Variants in RASEF observed in about 807,000 individuals in gnomAD.
RASEF encodes ras and EF-hand domain-containing protein.
In RASEF, 68 loss-of-function variants were observed where a neutral mutation model predicts 90.1. The ratio of observed to expected loss-of-function variants is 0.75; its 90% CI spans 0.62 to 0.92. The LOEUF (loss-of-function observed/expected upper bound fraction) is 0.92, where lower values mean the gene tolerates loss of function less well. RASEF is among the 40% of genes least tolerant of loss of function. RASEF has a pLI of 0.00. For synonymous variants in RASEF, 331 were observed against 345.2 expected (o/e 0.96, Z 0.46); for missense variants, 949 against 937.2 (o/e 1.01, Z -0.16).
the RASEF span, among the ~76,000 whole-genome samples, chr9:83,155,601 G>A: frequency 6.6e-6 from 1 of 151,922 alleles, no homozygotes; most frequent in Non-Finnish European, 1.5e-5. Flanking sequence ...AGTTCAAGAT[G>A]AGATTTGGGT....
chr9:83,062,403 A>G, intron 1 of RASEF, 34 bp downstream of exon 1: 1 of 1,605,866 alleles, frequency 6.2e-7, no homozygotes. Context: ...AGGAAGCGCC[A>G]GAATAACCTC....
At position 83,062,651 on chromosome 9, in the gene RASEF, C is replaced by A. The variant is rs1237224043; in HGVS notation, c.217G>T (p.Gly73Trp). 2 of 1,561,942 alleles carry A rather than the reference C, an allele frequency of 1.3e-6. No individual in the cohort carries two copies. ...TFQEFARGFL[G>W]SLRGGRRRDW... ...CGGCGCCGCCCCCCGCGGAGGGACCCGAGGAAGCCACGCGCGAACTCCTGG... is the reference window on the plus strand; with the variant it reads ...CGGCGCCGCCCCCCGCGGAGGGACCAGAGGAAGCCACGCGCGAACTCCTGG... The change falls in exon 1 of 17, where the codon GGG becomes TGG. Residue 73 changes from glycine to tryptophan, a missense_variant. Coordinates refer to ENST00000376447, the MANE Select transcript of RASEF (RefSeq NM_152573.4).
chr9:83,015,830 T>G lies in RASEF; in HGVS notation c.740A>C (p.Gln247Pro), dbSNP rs779129190. 1 of 1,613,890 alleles carries G rather than the reference T, an allele frequency of 6.2e-7. No individual in the cohort carries two copies. The highest frequency in any genetic ancestry group is 8.5e-7 in the Non-Finnish European group (1 of 1,179,760). The change falls in exon 4 of 17, where the codon CAG becomes CCG. Residue 247 changes from glutamine to proline, a missense_variant. This residue lies in a region of RASEF where 656 missense variants were observed against 592.2 expected (regional missense o/e 1.11). Transcript: ENST00000376447. ...RQYETEVGDL[Q>P]VTIKKLRKLE... ...CTTTCTTAGCTTTTTAATGGTCACC[T>G]GCAGATCTCCTACTTCAGTTTCATA...
the RASEF span, among the ~76,000 whole-genome samples, chr9:83,094,333 A>C: frequency 1.3e-5 from 2 of 151,930 alleles, no homozygotes; most frequent in African/African-American, 4.9e-5. Context: ...AAAAGGTCTA[A>C]TTAATATTGT....
At chr9:83,048,504 C>T (rs1829973736) in intron 1 of RASEF, 4 of 984,668 alleles carry the variant, frequency 4.1e-6, no homozygotes, top group Non-Finnish European at 2.4e-6. Context: ...CTCAGTGCCT[C>T]GTGCAGTCCT....
chr9:83,184,216 C>T, the RASEF span, among the ~76,000 whole-genome samples: 2 of 152,110 alleles, frequency 1.3e-5, no homozygotes, highest in East Asian at 1.9e-4. Flanking sequence ...AGCATTTTTA[C>T]TAAGTGGTGG....
chr9:83,153,081 A>G, the RASEF span, among the ~76,000 whole-genome samples: 10 of 152,220 alleles, frequency 6.6e-5, no homozygotes, highest in African/African-American at 2.4e-4. Flanking sequence ...TATAATATAA[A>G]ATATAGTAGG....
At chr9:83,203,210 C>T in the RASEF span, among the ~76,000 whole-genome samples, 1 of 151,844 alleles carries the variant, frequency 6.6e-6, no homozygotes, top group East Asian at 1.9e-4. Flanking sequence ...GTACTTCTAG[C>T]TCTTAGTGAG....
chr9:82,998,885 T>G (rs1828972469), intron 12 of RASEF, among the ~76,000 whole-genome samples: 1 of 152,176 alleles, frequency 6.6e-6, no homozygotes, highest in Non-Finnish European at 1.5e-5. Flanking sequence ...TGTAGGTATA[T>G]ATGTATAAAT....
chr9:83,189,639 AT>A, the RASEF span, among the ~76,000 whole-genome samples: 1 of 152,184 alleles, frequency 6.6e-6, no homozygotes, highest in Non-Finnish European at 1.5e-5. Flanking sequence ...ATTATATTTC[AT>A]GTTTTATTGT....
the RASEF span, among the ~76,000 whole-genome samples, chr9:83,073,047 A>C: frequency 6.6e-6 from 1 of 152,224 alleles, no homozygotes; most frequent in Non-Finnish European, 1.5e-5. Flanking sequence ...CAGATCACCC[A>C]GTTCAAATTT....
chr9:83,184,459 G>A, the RASEF span, among the ~76,000 whole-genome samples: 2 of 152,148 alleles, frequency 1.3e-5, no homozygotes, highest in Non-Finnish European at 2.9e-5. Context: ...TGTGGAGTGA[G>A]AAGTTCCATC....
At chr9:83,101,962 G>T in the RASEF span, among the ~76,000 whole-genome samples, 1 of 152,052 alleles carries the variant, frequency 6.6e-6, no homozygotes, top group African/African-American at 2.4e-5. Context: ...GCGCATCACA[G>T]CCTTCTTGCA....
chr9:82,982,445 C>T lies in RASEF; in HGVS notation c.*232G>A, dbSNP rs1216655325. On this transcript the variant is annotated 3_prime_UTR_variant, in exon 17 of 17. Coordinates refer to ENST00000376447, the MANE Select transcript of RASEF (RefSeq NM_152573.4). ...AACATTTACATGTTATCTTTTAAGA[C>T]CTGTAAGGACATGACTAGTCTATTT... 1 of 378,426 alleles carries T rather than the reference C, an allele frequency of 2.6e-6. No homozygotes were observed. Among genetic ancestry groups the T allele is most frequent in the Non-Finnish European group, 4.8e-6 (1 of 206,568 alleles). The allele number at this position is 378,426 out of a possible 1,614,324, so 23.4% of individuals were successfully genotyped here. A position where few individuals can be genotyped will look rare whatever the true frequency, so the allele number is the denominator to read the frequency against.
chr9:83,133,147 T>C, the RASEF span, among the ~76,000 whole-genome samples: 1 of 152,176 alleles, frequency 6.6e-6, no homozygotes, highest in East Asian at 1.9e-4. Context: ...AGAGATTTTG[T>C]TCCTAACCTC....
the RASEF span, among the ~76,000 whole-genome samples, chr9:83,119,781 T>A: frequency 6.6e-6 from 1 of 152,200 alleles, no homozygotes; most frequent in Non-Finnish European, 1.5e-5. Flanking sequence ...CCCGTGCTGT[T>A]CTTATGATAG....
intron 1 of RASEF, among the ~76,000 whole-genome samples, chr9:83,056,775 T>C (rs147057482): frequency 6.9e-4 from 105 of 152,360 alleles, no homozygotes; most frequent in Non-Finnish European, 1.3e-3. Context: ...CACTAAGTTT[T>C]AAGACTTTTT....
chr9:83,061,936 A>C (rs1190716674), intron 1 of RASEF, among the ~76,000 whole-genome samples: 1 of 152,252 alleles, frequency 6.6e-6, no homozygotes, highest in Non-Finnish European at 1.5e-5. Flanking sequence ...TAGCAGGTAC[A>C]TCAATCAATA....
At chr9:83,159,321 T>C in the RASEF span, among the ~76,000 whole-genome samples, 1 of 152,346 alleles carries the variant, frequency 6.6e-6, no homozygotes, top group East Asian at 1.9e-4. Flanking sequence ...ATGTTCTACA[T>C]GGACACTGAA....
Sources: allele counts gnomAD v4.1 joint callset (sites outside exome capture counted in the v4.1 genomes callset), GRCh38; gene constraint gnomAD v4.1.1; regional missense constraint gnomAD v4.1.1; transcripts MANE v1.5; gene names NCBI Gene and HGNC (gene_info 2026-07-23, HGNC 2026-07-21).